LMF1: variants seen among roughly 807,000 people sequenced by gnomAD.
LMF1 encodes transmembrane protein 112.
In LMF1, 68 loss-of-function variants were observed where a neutral mutation model predicts 60.6. The ratio of observed to expected loss-of-function variants is 1.12; its 90% CI spans 0.92 to 1.37. The LOEUF (loss-of-function observed/expected upper bound fraction) is 1.37, where lower values mean the gene tolerates loss of function less well. Among genes scored for constraint, LMF1 ranks in the 40% most tolerant of loss-of-function variants. The probability of loss-of-function intolerance (pLI) is 0.00; values close to 1 mark genes in which losing one functional copy is unlikely to be tolerated. For synonymous variants in LMF1, 418 were observed against 324.7 expected, an observed-to-expected ratio of 1.29 and a Z score of -3.09; for missense variants, 948 against 767.2, an observed-to-expected ratio of 1.24 and a Z score of -2.78.
At chr16:879,337 C>T (rs1364343101) in intron 6 of LMF1, among the ~76,000 whole-genome samples, 1 of 152,172 alleles carries the variant, frequency 6.6e-6, no homozygotes, top group Non-Finnish European at 1.5e-5. Flanking sequence ...AGGAAACGCT[C>T]TTGGGAGGAG....
At chr16:906,564 G>C (rs1596965231) in intron 4 of LMF1, among the ~76,000 whole-genome samples, 1 of 152,074 alleles carries the variant, frequency 6.6e-6, no homozygotes, top group East Asian at 1.9e-4. Flanking sequence ...TTGCTCCTCA[G>C]CTTGCGGGCA....
intron 4 of LMF1, among the ~76,000 whole-genome samples, chr16:908,091 T>G (rs1004389954): frequency 1.3e-4 from 20 of 152,274 alleles, no homozygotes; most frequent in Middle Eastern, 3.4e-3. Flanking sequence ...CCGGCTGCTG[T>G]CCACAGAGTC....
At chr16:867,704 G>C (rs1003900151) in intron 10 of LMF1, among the ~76,000 whole-genome samples, 1 of 152,180 alleles carries the variant, frequency 6.6e-6, no homozygotes, top group Non-Finnish European at 1.5e-5. Flanking sequence ...CCCACCGGGG[G>C]CTCTGGGATG....
At chr16:870,999 C>A in intron 7 of LMF1, 117 bp from the exon 8 acceptor site, 1 of 1,427,720 alleles carries the variant, frequency 7.0e-7, no homozygotes, top group Non-Finnish European at 9.3e-7. Flanking sequence ...GGGGACGGAG[C>A]AGCACCCGAA....
chr16:918,576 C>G (rs536680388), intron 3 of LMF1, among the ~76,000 whole-genome samples: 1 of 152,126 alleles, frequency 6.6e-6, no homozygotes, highest in Non-Finnish European at 1.5e-5. Flanking sequence ...GTGTGCCGAG[C>G]CTCCAAGGGA....
In LMF1 at chr16:940,702, C is replaced by T. The variant is rs111323452; in HGVS notation, c.504-6448G>A. Among the ~76,000 whole-genome samples the T allele has an allele frequency of 3.9e-3, 590 of 152,270 alleles. 5 individuals are homozygous for T. Among genetic ancestry groups the T allele is most frequent in the African/African-American group, 0.013 (553 of 41,550 alleles). On this transcript the variant is annotated intron_variant, in intron 2 of 10. Transcript: ENST00000262301. ...GGAGACGCAGTCTCAGAACCGCAAC[C>T]GTGTTAAACCTACTGCAGCTGATCC...
intron 4 of LMF1, among the ~76,000 whole-genome samples, chr16:895,323 A>G (rs960676366): frequency 1.3e-5 from 2 of 152,166 alleles, no homozygotes; most frequent in East Asian, 3.9e-4. Context: ...TCAGCCCATC[A>G]CGGGCTGTAG....
intron 1 of LMF1, among the ~76,000 whole-genome samples, chr16:957,430 T>TA (rs1007915783): frequency 6.6e-6 from 1 of 151,952 alleles, no homozygotes; most frequent in Non-Finnish European, 1.5e-5. Context: ...AAACACTGAT[T>TA]AAAAAAATGA....
At chr16:859,532 T>G (rs2151684392) in intron 10 of LMF1, among the ~76,000 whole-genome samples, 2 of 31,640 alleles carry the variant, frequency 6.3e-5, no homozygotes, top group African/African-American at 2.2e-4. Context: ...CGGGTGTGAG[T>G]GGTGTCTCGG....
intron 1 of LMF1, among the ~76,000 whole-genome samples, chr16:960,575 C>A (rs190525062): frequency 5.4e-5 from 5 of 93,244 alleles, no homozygotes; most frequent in South Asian, 8.8e-4. Flanking sequence ...GGTGACAGCA[C>A]GGGATCACGA....
rs747350625 is a variant in LMF1, at chr16:869,928, C to T, written c.1371G>A (p.Pro457=). Residue 457 remains proline, a synonymous_variant, in exon 9 of 11, where the codon CCG becomes CCA. Coordinates refer to ENST00000262301, the MANE Select transcript of LMF1 (RefSeq NM_022773.4). The stretch of plus-strand genomic sequence containing the variant: ...TCAGCCAGTCCAGGCGGTAGTGGTA[C>T]GGGGAGATGAGGCAGGGCCGTCTGC... ...DPSRRPCLIS[P]YHYRLDWLMW... The T allele has an allele frequency of 5.8e-5, 94 of 1,613,134 alleles. No homozygotes were observed. The East Asian group carries it at 1.2e-3, about 21-fold the overall frequency.
rs552714959 is a variant in LMF1, at chr16:927,953, G to A, written c.514+6291C>T. On this transcript the variant is annotated intron_variant, in intron 3 of 10. Coordinates refer to ENST00000262301, the MANE Select transcript of LMF1 (RefSeq NM_022773.4). ...CGGGGACAGCCTAGAAAGCAGACCT[G>A]AGAGGTGGGGAAGTTTCCCGCTTGG... is the stretch of plus-strand genomic sequence containing the variant. 2.0e-5 allele frequency among the ~76,000 whole-genome samples: 3 copies of A among 152,340 alleles called. No individual in the cohort carries two copies. In the East Asian group the frequency reaches 5.8e-4, roughly 29 times the overall value.
At chr16:933,760 C>T (rs544342847) in intron 3 of LMF1, 3 of 363,694 alleles carry the variant, frequency 8.2e-6, no homozygotes, top group African/African-American at 2.1e-5. Flanking sequence ...CTGTCCTGTC[C>T]ACTGGGTGGC....
chr16:939,032 C>T (rs1309971006), intron 2 of LMF1, among the ~76,000 whole-genome samples: 1 of 152,226 alleles, frequency 6.6e-6, no homozygotes, highest in South Asian at 2.1e-4. Flanking sequence ...TTTACCTTCC[C>T]GGACAGCAGG....
At chr16:887,468 G>A (rs768269555) in intron 5 of LMF1, among the ~76,000 whole-genome samples, 3 of 152,146 alleles carry the variant, frequency 2.0e-5, no homozygotes, top group Non-Finnish European at 2.9e-5. Context: ...CGGTACCCGT[G>A]GGGGAGCTCG....
upstream of LMF1, chr16:981,351 T>TGA (rs2073369884): frequency 1.2e-5 from 1 of 82,180 alleles, no homozygotes; most frequent in African/African-American, 6.3e-5. Context: ...AGAGAGAGTG[T>TGA]GTGTGTGTGT....
intron 5 of LMF1, among the ~76,000 whole-genome samples, chr16:884,482 TAAAG>T (rs945147942): frequency 6.6e-6 from 1 of 150,590 alleles, no homozygotes. Context: ...GAAGGTGAAA[TAAAG>T]ACTTTGTCAG....
At chr16:947,692 G>A (rs147316895) in intron 2 of LMF1, 37 of 414,686 alleles carry the variant, frequency 8.9e-5, no homozygotes, top group East Asian at 6.4e-4. Flanking sequence ...CGGTGCTGCC[G>A]TGCTGAAGAG....
chr16:932,468 A>G (rs2071817860), intron 3 of LMF1, among the ~76,000 whole-genome samples: 1 of 152,268 alleles, frequency 6.6e-6, no homozygotes, highest in Non-Finnish European at 1.5e-5. Flanking sequence ...ATCACTGCTC[A>G]GAGTCCACAA....
Sources: gnomAD v4.1 joint callset for allele counts (sites outside exome capture counted in the v4.1 genomes callset) on GRCh38, gnomAD v4.1.1 for gene constraint, MANE v1.5 for transcripts, NCBI Gene and HGNC (gene_info 2026-07-23, HGNC 2026-07-21) for gene names.